The following HAO1 variants were observed in gnomAD, a reference collection of about 807,000 sequenced individuals.
HAO1 encodes hydroxyacid oxidase 1.
HAO1 carries 34 observed loss-of-function variants against 39.7 expected under a neutral mutation model. That is an observed-to-expected ratio of 0.86 (90% CI 0.65 to 1.14). The LOEUF is 1.14. HAO1 is among the 50% of genes most tolerant of loss of function. The pLI is 0.00. For synonymous variants in HAO1, 172 were observed against 173.2 expected (o/e 0.99, Z 0.05); for missense variants, 479 against 464.5 (o/e 1.03, Z -0.29).
intron 2 of HAO1, among the ~76,000 whole-genome samples, chr20:7,920,828 C>T (rs1008808104): frequency 6.6e-6 from 1 of 152,040 alleles, no homozygotes; most frequent in Non-Finnish European, 1.5e-5. Flanking sequence ...AATGCTATAA[C>T]GAACATAGAA....
intron 2 of HAO1, among the ~76,000 whole-genome samples, chr20:7,931,477 A>T (rs2050385383): frequency 6.6e-6 from 1 of 152,274 alleles, no homozygotes; most frequent in South Asian, 2.1e-4. Flanking sequence ...GTGCATCCCT[A>T]GGCAAGGTTA....
chr20:7,914,128 T>G lies in HAO1; in HGVS notation c.545+36A>C, dbSNP rs779691866. Reference sequence around the variant, plus strand: ...CCTAACATTCCCAGTCAAGATCCCTTTCGCCTCAGCTCGGGGCCCACATGA... The same window carrying G: ...CCTAACATTCCCAGTCAAGATCCCTGTCGCCTCAGCTCGGGGCCCACATGA... On this transcript the variant is annotated intron_variant, in intron 3 of 7. Coordinates refer to ENST00000378789, the MANE Select transcript of HAO1 (RefSeq NM_017545.3). 1.2e-5 allele frequency: 19 copies of G among 1,609,498 alleles called. No individual in the cohort carries two copies. In the Middle Eastern group the frequency reaches 1.3e-3, roughly 112 times the overall value.
At chr20:7,893,628 A>G (rs2050183907) in intron 5 of HAO1, among the ~76,000 whole-genome samples, 1 of 152,136 alleles carries the variant, frequency 6.6e-6, no homozygotes, top group Admixed American at 6.6e-5. Context: ...GTGGCCTTCA[A>G]CCAGGAACTG....
At chr20:7,897,161 C>T (rs986164942) in intron 4 of HAO1, among the ~76,000 whole-genome samples, 2 of 152,106 alleles carry the variant, frequency 1.3e-5, no homozygotes, top group Non-Finnish European at 2.9e-5. Flanking sequence ...TCTTCTAGTA[C>T]CCATTGCTGA....
At chr20:7,891,357 C>G (rs2122752258) in intron 5 of HAO1, among the ~76,000 whole-genome samples, 1 of 152,134 alleles carries the variant, frequency 6.6e-6, no homozygotes, top group Admixed American at 6.5e-5. Context: ...TGAGAATTGT[C>G]TATTCATGTC....
chr20:7,930,798 C>A (rs1600121557), intron 2 of HAO1, among the ~76,000 whole-genome samples: 1 of 152,168 alleles, frequency 6.6e-6, no homozygotes, highest in Admixed American at 6.6e-5. Flanking sequence ...TTCAAACACA[C>A]CTATCCATGG....
chr20:7,890,300 A>G (rs371850718), intron 5 of HAO1, among the ~76,000 whole-genome samples: 1 of 151,826 alleles, frequency 6.6e-6, no homozygotes, highest in South Asian at 2.1e-4. Flanking sequence ...TGCAACCTCC[A>G]TCTCCCGGGT....
chr20:7,891,780 C>T (rs932310330), intron 5 of HAO1, among the ~76,000 whole-genome samples: 1 of 152,146 alleles, frequency 6.6e-6, no homozygotes. Flanking sequence ...ATAAGCAACA[C>T]CATTTGGCTA....
chr20:7,914,212 T>C lies in HAO1; in HGVS notation c.497A>G (p.Asn166Ser). 6.2e-7 allele frequency: 1 copy of C among 1,614,066 alleles called. No individual in the cohort carries two copies. Among genetic ancestry groups the C allele is most frequent in the Non-Finnish European group, 8.5e-7 (1 of 1,179,982 alleles). Reference sequence around the variant, plus strand: ...TCTGTTACGCACATCATCCAGACGGTTGCCCAGGTAAGGTGTGTCCACTGT... The same window carrying C: ...TCTGTTACGCACATCATCCAGACGGCTGCCCAGGTAAGGTGTGTCCACTGT... ...FVTVDTPYLGNRLDDVRNRFK... is the reference protein window; with the variant it reads ...FVTVDTPYLGSRLDDVRNRFK... Residue 166 changes from asparagine (N) to serine (S), a missense_variant, in exon 3 of 8, where the codon AAC becomes AGC. Physicochemically the swap from Asn to Ser is conservative, Grantham distance 46. Coordinates refer to ENST00000378789, the MANE Select transcript of HAO1 (RefSeq NM_017545.3).
chr20:7,927,787 G>A (rs1313916770), intron 2 of HAO1, among the ~76,000 whole-genome samples: 1 of 152,188 alleles, frequency 6.6e-6, no homozygotes, highest in South Asian at 2.1e-4. Flanking sequence ...CATAGTGCTT[G>A]CCTTAGGATT....
At chr20:7,900,277 C>T (rs2050215775) in intron 4 of HAO1, among the ~76,000 whole-genome samples, 1 of 152,140 alleles carries the variant, frequency 6.6e-6, no homozygotes, top group Non-Finnish European at 1.5e-5. Flanking sequence ...CAGCCATCAA[C>T]ATCTAGGAAA....
chr20:7,886,361 A>G (rs943242883), intron 5 of HAO1, among the ~76,000 whole-genome samples: 1 of 151,934 alleles, frequency 6.6e-6, no homozygotes, highest in African/African-American at 2.4e-5. Flanking sequence ...TTTAGTAGAG[A>G]CGGGGTTTCA....
intron 2 of HAO1, among the ~76,000 whole-genome samples, chr20:7,924,194 G>GTGTTTTTTT (rs78746511): frequency 1.3e-5 from 2 of 148,610 alleles, no homozygotes; most frequent in Non-Finnish European, 3.0e-5. Context: ...AGTTTGGGTT[G>GTGTTTTTTT]TGTTGTTGTT....
chr20:7,914,397 G>A lies in HAO1; in HGVS notation c.312C>T (p.Gly104=). Residue 104 remains glycine (G), a synonymous_variant, in exon 3 of 8, where the codon GGC becomes GGT. Transcript: ENST00000378789. ...AGGTGGCCCAGGAACTCAACATCAT[G>A]CCCGTTCCCAGGGACTGACAGGCTG... ...TVRACQSLGT[G]MMLSSWATSS... is the part of the protein sequence containing the mutation. The A allele has an allele frequency of 1.2e-6, 2 of 1,613,720 alleles. No homozygotes were observed. The highest frequency in any genetic ancestry group is 1.7e-6 in the Non-Finnish European group (2 of 1,179,850).
chr20:7,888,976 G>A (rs1406460411), intron 5 of HAO1, among the ~76,000 whole-genome samples: 1 of 152,134 alleles, frequency 6.6e-6, no homozygotes, highest in African/African-American at 2.4e-5. Context: ...CCTCCTAGTA[G>A]GCCTAGTAGC....
chr20:7,903,815 G>C (rs1463215994), intron 4 of HAO1, among the ~76,000 whole-genome samples: 5 of 145,668 alleles, frequency 3.4e-5, no homozygotes, highest in Middle Eastern at 3.6e-3. Context: ...GTGGTGGGTG[G>C]CAGCAGTGCT....
In HAO1 at chr20:7,883,650, C is replaced by A. The variant is rs756447563; in HGVS notation, c.1056G>T (p.Val352=). Residue 352 remains valine (V), a synonymous_variant, in exon 8 of 8, where the codon GTG becomes GTT. Coordinates refer to ENST00000378789, the MANE Select transcript of HAO1 (RefSeq NM_017545.3). ...TCACCAATGTCTTGTCGATGACTTT[C>A]ACATTCTGGCACCCTGAAAAAATAA... is the stretch of plus-strand genomic sequence containing the variant. ...LAMALSGCQN[V]KVIDKTLVRK... The A allele has an allele frequency of 3.7e-6, 6 of 1,610,978 alleles. No individual in the cohort carries two copies. Among genetic ancestry groups the A allele is most frequent in the Non-Finnish European group, 3.4e-6 (4 of 1,177,244 alleles).
In HAO1 at chr20:7,906,197, TCTC is replaced by T; in HGVS notation, c.675_677del (p.Arg227del). On this transcript the variant is annotated inframe_deletion, in exon 4 of 8. Coordinates refer to ENST00000378789, the MANE Select transcript of HAO1 (RefSeq NM_017545.3). Reference sequence around the variant, plus strand: ...CAACAATTGGCAATGATGTCAGTCTTCTCAGCCATTTGATATCTTCCCAGCTGA... The same window carrying T: ...CAACAATTGGCAATGATGTCAGTCTTAGCCATTTGATATCTTCCCAGCTGA... The T allele has an allele frequency of 6.2e-7, 1 of 1,613,528 alleles. No homozygotes were observed. Among genetic ancestry groups the T allele is most frequent in the South Asian group, 1.1e-5 (1 of 91,064 alleles).
intron 3 of HAO1, among the ~76,000 whole-genome samples, chr20:7,908,428 G>T (rs1456717054): frequency 1.3e-5 from 2 of 151,174 alleles, no homozygotes; most frequent in African/African-American, 4.9e-5. Flanking sequence ...TATACTAGAA[G>T]AATCTAGGCA....
Sources: gnomAD v4.1 joint callset for allele counts (sites outside exome capture counted in the v4.1 genomes callset) on GRCh38, gnomAD v4.1.1 for gene constraint, MANE v1.5 for transcripts, NCBI Gene and HGNC (gene_info 2026-07-23, HGNC 2026-07-21) for gene names.